Variants in CNTNAP3B observed in about 807,000 individuals in gnomAD.
The protein encoded by CNTNAP3B is contactin-associated protein-like 3B.
In CNTNAP3B, 25 loss-of-function variants were observed where a neutral mutation model predicts 108.9. That is an observed-to-expected ratio of 0.23 (90% CI 0.17 to 0.32). CNTNAP3B has a LOEUF of 0.32. Among genes scored for constraint, CNTNAP3B ranks in the 10% least tolerant of loss-of-function variants. CNTNAP3B has a pLI of 1.00. For synonymous variants in CNTNAP3B, 103 were observed against 473.4 expected, an observed-to-expected ratio of 0.22 and a Z score of 10.16; for missense variants, 252 against 1,210.4, an observed-to-expected ratio of 0.21 and a Z score of 11.75.
intron 10 of CNTNAP3B, among the ~76,000 whole-genome samples, chr9:41,969,194 T>C (rs1342057916): frequency 6.6e-6 from 1 of 151,872 alleles, no homozygotes; most frequent in Non-Finnish European, 1.5e-5. Context: ...AAATATTATT[T>C]TTCCAGGTGT....
chr9:41,941,183 T>C (rs1270656976), intron 13 of CNTNAP3B, among the ~76,000 whole-genome samples: 46 of 151,010 alleles, frequency 3.0e-4, no homozygotes, highest in Admixed American at 1.5e-3. Flanking sequence ...ATGTACACTA[T>C]AATACCAAGC....
intron 3 of CNTNAP3B, among the ~76,000 whole-genome samples, chr9:42,030,773 A>C (rs1216684456): frequency 1.7e-5 from 2 of 117,448 alleles, no homozygotes; most frequent in African/African-American, 7.7e-5. Context: ...AGAGAGAGAG[A>C]GAGAGAGAGA....
chr9:42,071,736 T>C lies in CNTNAP3B; in HGVS notation c.390+5133A>G. ...AGGGAAAGTTGTCAGACTCCACATA[T>C]ACTCTGAAGCTGTGACTGACATGAT... is the stretch of plus-strand genomic sequence containing the variant. On this transcript the variant is annotated intron_variant, in intron 3 of 23. Transcript: ENST00000377561. Among the ~76,000 whole-genome samples, 3 of 118,824 alleles carry C rather than the reference T, an allele frequency of 2.5e-5. 1 individual carries two copies. The South Asian group carries it at 7.9e-4, about 31-fold the overall frequency. 78.0% of individuals were successfully genotyped at this position (118,824 alleles called of 152,430 possible). A position where few individuals can be genotyped will look rare whatever the true frequency, so the allele number is the denominator to read the frequency against.
chr9:41,964,849 T>C (rs1310962162), intron 10 of CNTNAP3B, among the ~76,000 whole-genome samples: 1 of 152,260 alleles, frequency 6.6e-6, no homozygotes, highest in African/African-American at 2.4e-5. Context: ...ATTATTAGGT[T>C]TCTGTGACAG....
At chr9:42,097,247 G>A (rs1827920819) in intron 2 of CNTNAP3B, among the ~76,000 whole-genome samples, 1 of 140,176 alleles carries the variant, frequency 7.1e-6, no homozygotes, top group Non-Finnish European at 1.5e-5. Context: ...GTTCCCATCT[G>A]GCAGGAGTGC....
chr9:42,096,421 A>G (rs1271279685), intron 2 of CNTNAP3B, among the ~76,000 whole-genome samples: 1 of 139,652 alleles, frequency 7.2e-6, no homozygotes, highest in African/African-American at 2.8e-5. Flanking sequence ...CTCAGACCAA[A>G]AGATGCTTTT....
intron 18 of CNTNAP3B, among the ~76,000 whole-genome samples, chr9:41,916,492 G>A (rs1378082943): frequency 2.0e-5 from 3 of 152,208 alleles, no homozygotes; most frequent in African/African-American, 7.2e-5. Flanking sequence ...AACGTTCTTT[G>A]TTATTTCCTC....
At chr9:42,048,129 CAGTT>C (rs1413851385) in intron 3 of CNTNAP3B, among the ~76,000 whole-genome samples, 1 of 120,700 alleles carries the variant, frequency 8.3e-6, no homozygotes, top group Admixed American at 8.5e-5. Flanking sequence ...GCGTGCCAAA[CAGTT>C]AGGGATTAAT....
intron 13 of CNTNAP3B, among the ~76,000 whole-genome samples, chr9:41,952,534 G>C: frequency 6.6e-6 from 1 of 152,270 alleles, no homozygotes; most frequent in Non-Finnish European, 1.5e-5. Context: ...GGGGATTCCG[G>C]AAAGGAGGGG....
intron 11 of CNTNAP3B, among the ~76,000 whole-genome samples, chr9:41,963,760 C>T (rs1825178451): frequency 6.6e-6 from 1 of 151,716 alleles, no homozygotes; most frequent in Non-Finnish European, 1.5e-5. Flanking sequence ...GAGCCAACCT[C>T]CTTAGCTCAA....
chr9:41,917,213 T>G (rs1823539897), intron 18 of CNTNAP3B, among the ~76,000 whole-genome samples: 1 of 151,776 alleles, frequency 6.6e-6, no homozygotes, highest in Non-Finnish European at 1.5e-5. Flanking sequence ...TCTGTTTATT[T>G]TTTTCATTAT....
At chr9:42,098,985 G>T (rs1306143674) in intron 2 of CNTNAP3B, among the ~76,000 whole-genome samples, 1 of 137,134 alleles carries the variant, frequency 7.3e-6, no homozygotes, top group Non-Finnish European at 1.6e-5. Flanking sequence ...CAGAGTCGTG[G>T]CTAGGTTGTG....
chr9:41,920,642 T>C (rs1193055444), intron 17 of CNTNAP3B, among the ~76,000 whole-genome samples: 15 of 152,414 alleles, frequency 9.8e-5, no homozygotes, highest in Admixed American at 3.9e-4. Context: ...CAAACACTAT[T>C]TTACTTTGTT....
At chr9:42,030,884 C>A (rs2118480460) in intron 3 of CNTNAP3B, among the ~76,000 whole-genome samples, 1 of 100,756 alleles carries the variant, frequency 9.9e-6, no homozygotes, top group Non-Finnish European at 1.9e-5. Context: ...TAGGACTGAC[C>A]AAGGGGACCA....
At chr9:41,940,588 G>C (rs1005981551) in intron 13 of CNTNAP3B, among the ~76,000 whole-genome samples, 2 of 152,276 alleles carry the variant, frequency 1.3e-5, no homozygotes, top group African/African-American at 4.8e-5. Context: ...CGGAGGCCGA[G>C]GTGGGCGGAT....
rs1488326779 is a variant in CNTNAP3B, at chr9:41,925,392, G to A, written c.2366-1299C>T. On this transcript the variant is annotated intron_variant, in intron 15 of 23. Coordinates refer to ENST00000377561, the MANE Select transcript of CNTNAP3B (RefSeq NM_001201380.3). Reference sequence around the variant, plus strand: ...ACGGATCATGAGGTCAGGAGATCCAGACCATCCTGGCTAACACGGTGAAAC... The same window carrying A: ...ACGGATCATGAGGTCAGGAGATCCAAACCATCCTGGCTAACACGGTGAAAC... Among the ~76,000 whole-genome samples the A allele has an allele frequency of 5.8e-3, 885 of 151,874 alleles. 6 individuals carry two copies. Among genetic ancestry groups the A allele is most frequent in the African/African-American group, 0.021 (850 of 41,122 alleles).
At position 42,068,198 on chromosome 9, in the gene CNTNAP3B, C is replaced by A. The variant is rs993214733; in HGVS notation, c.390+8671G>T. Among the ~76,000 whole-genome samples the A allele has an allele frequency of 5.9e-4, 36 of 60,942 alleles. 3 individuals are homozygous for A. The highest frequency in any genetic ancestry group is 9.5e-4 in the Non-Finnish European group (32 of 33,806). The allele number at this position is 60,942 out of a possible 152,430, so 40.0% of individuals were successfully genotyped here. The stretch of plus-strand genomic sequence containing the variant: ...TTTCAGAAGGTCAAATAACTCACAG[C>A]CAATGGGGAACTAGAGAGATATCTG... On this transcript the variant is annotated intron_variant, in intron 3 of 23. Coordinates refer to ENST00000377561, the MANE Select transcript of CNTNAP3B (RefSeq NM_001201380.3).
chr9:42,063,343 T>C lies in CNTNAP3B; in HGVS notation c.390+13526A>G, dbSNP rs533102867. ...GTTGACAGTTTTTGTTATGTTTTGT[T>C]TTTTTCCTTTCAGCACTTGAATATA... On this transcript the variant is annotated intron_variant, in intron 3 of 23. Coordinates refer to ENST00000377561, the MANE Select transcript of CNTNAP3B (RefSeq NM_001201380.3). 3.7e-5 allele frequency among the ~76,000 whole-genome samples: 5 copies of C among 133,762 alleles called. 1 individual carries two copies. Among genetic ancestry groups the C allele is most frequent in the African/African-American group, 1.5e-4 (5 of 33,226 alleles). The allele number at this position is 133,762 out of a possible 152,430, so 87.8% of individuals were successfully genotyped here. A position where few individuals can be genotyped will look rare whatever the true frequency, so the allele number is the denominator to read the frequency against.
chr9:41,969,578 A>G (rs1825381480), intron 10 of CNTNAP3B, among the ~76,000 whole-genome samples: 1 of 151,888 alleles, frequency 6.6e-6, no homozygotes, highest in African/African-American at 2.4e-5. Flanking sequence ...CTAATAAAAT[A>G]CTATCATTTA....
Sources: gnomAD v4.1 joint callset for allele counts (sites outside exome capture counted in the v4.1 genomes callset) on GRCh38, gnomAD v4.1.1 for gene constraint, MANE v1.5 for transcripts, NCBI Gene and HGNC (gene_info 2026-07-23, HGNC 2026-07-21) for gene names.